The following CA10 variants were observed in gnomAD, a reference collection of about 807,000 sequenced individuals.
CA10 encodes the protein carbonic anhydrase 10 (inactive), also known as carbonic anhydrase-related protein 10.
In CA10, 14 loss-of-function variants were observed where a neutral mutation model predicts 44.2. The ratio of observed to expected loss-of-function variants is 0.32; its 90% CI spans 0.21 to 0.50. The LOEUF (loss-of-function observed/expected upper bound fraction) is 0.50, where lower values mean the gene tolerates loss of function less well. Ranked by LOEUF, CA10 falls within the 20% of genes least tolerant of loss-of-function variation. The pLI is 0.99. For missense variants in CA10, 350 were observed against 409.7 expected, an observed-to-expected ratio of 0.85 and a Z score of 1.26; for synonymous variants, 159 against 141.6, an observed-to-expected ratio of 1.12 and a Z score of -0.87.
At chr17:51,811,596 C>T (rs1012256976) in intron 3 of CA10, among the ~76,000 whole-genome samples, 1 of 152,108 alleles carries the variant, frequency 6.6e-6, no homozygotes, top group Non-Finnish European at 1.5e-5. Context: ...TCATTCATGT[C>T]CCTGAAAAGG....
At chr17:51,737,374 T>C (rs1212684625) in intron 4 of CA10, among the ~76,000 whole-genome samples, 1 of 152,168 alleles carries the variant, frequency 6.6e-6, no homozygotes, top group Non-Finnish European at 1.5e-5. Context: ...ACCGTGGTTA[T>C]GCTAATGTAT....
Position 51,778,278 on chromosome 17 carries a change from G to T in CA10, c.280-30460C>A, listed in dbSNP as rs867984481. ...AGGTCCTGTTTCATGGGACAAAGCC[G>T]CTATTGGGCACATGAAAAGCTCTCC... On this transcript the variant is annotated intron_variant, in intron 3 of 8. Coordinates refer to ENST00000451037, the MANE Select transcript of CA10 (RefSeq NM_020178.5). Among the ~76,000 whole-genome samples, 8 of 152,120 alleles carry T rather than the reference G, an allele frequency of 5.3e-5. No homozygotes were observed. The East Asian group carries it at 5.8e-4, about 11-fold the overall frequency.
chr17:51,922,799 C>G (rs1435126927), intron 3 of CA10, among the ~76,000 whole-genome samples: 1 of 152,150 alleles, frequency 6.6e-6, no homozygotes, highest in African/African-American at 2.4e-5. Context: ...ATATCCATGT[C>G]TGACAATGCC....
intron 1 of CA10, among the ~76,000 whole-genome samples, chr17:52,135,604 A>G (rs1035473705): frequency 2.0e-5 from 3 of 151,986 alleles, no homozygotes; most frequent in Admixed American, 1.3e-4. Context: ...TCTCCCTTGA[A>G]GTGTCTGTTT....
At chr17:52,107,519 A>G (rs1054111903) in intron 1 of CA10, among the ~76,000 whole-genome samples, 7 of 152,208 alleles carry the variant, frequency 4.6e-5, no homozygotes, top group African/African-American at 9.7e-5. Flanking sequence ...CCACATGAAC[A>G]GTTTGAATAA....
Position 51,682,681 on chromosome 17 carries a change from T to C in CA10, c.466-28945A>G, listed in dbSNP as rs1479018556. On this transcript the variant is annotated intron_variant, in intron 4 of 8. Transcript: ENST00000451037. ...TACCCCACCTACCCATGGCCATATATTCTATGAGAACATTCTGAAATTTTG... is the reference window on the plus strand; with the variant it reads ...TACCCCACCTACCCATGGCCATATACTCTATGAGAACATTCTGAAATTTTG... 2.6e-5 allele frequency among the ~76,000 whole-genome samples: 4 copies of C among 152,330 alleles called. No homozygotes were observed. The East Asian group carries it at 5.8e-4, about 22-fold the overall frequency.
At chr17:51,640,729 C>G (rs770942603) in intron 6 of CA10, among the ~76,000 whole-genome samples, 7 of 152,204 alleles carry the variant, frequency 4.6e-5, no homozygotes, top group Non-Finnish European at 8.8e-5. Context: ...TCAAGGCACA[C>G]TGGGGTGTTT....
intron 1 of CA10, among the ~76,000 whole-genome samples, chr17:52,150,083 G>T (rs1295157969): frequency 3.9e-5 from 6 of 152,026 alleles, no homozygotes; most frequent in African/African-American, 1.2e-4. Context: ...TTCACTTTTT[G>T]ACCGTCTCCT....
intron 2 of CA10, among the ~76,000 whole-genome samples, chr17:52,057,402 A>G (rs576573170): frequency 6.6e-6 from 1 of 152,032 alleles, no homozygotes; most frequent in South Asian, 2.1e-4. Context: ...TGAACAGTAA[A>G]TCTATTTTCT....
At chr17:51,857,539 G>C (rs912216809) in intron 3 of CA10, among the ~76,000 whole-genome samples, 22 of 152,140 alleles carry the variant, frequency 1.4e-4, no homozygotes, top group African/African-American at 5.3e-4. Context: ...CAAAAATCTG[G>C]TTCAGATAAT....
chr17:51,785,078 C>A, intron 3 of CA10, among the ~76,000 whole-genome samples: 1 of 152,180 alleles, frequency 6.6e-6, no homozygotes, highest in East Asian at 1.9e-4. Context: ...ATCTCCAGTT[C>A]CACCTGTGTT....
intron 3 of CA10, among the ~76,000 whole-genome samples, chr17:51,834,671 A>G (rs1908409668): frequency 1.3e-5 from 2 of 152,208 alleles, no homozygotes; most frequent in Non-Finnish European, 2.9e-5. Flanking sequence ...ATAAGGCTTT[A>G]GTGTCACACA....
intron 3 of CA10, among the ~76,000 whole-genome samples, chr17:51,752,383 AG>A (rs1182592247): frequency 6.6e-6 from 1 of 152,000 alleles, no homozygotes; most frequent in African/African-American, 2.4e-5. Flanking sequence ...TTGAAGCTGC[AG>A]GGGATATCCA....
chr17:51,991,363 A>G (rs1236752808), intron 2 of CA10, among the ~76,000 whole-genome samples: 1 of 152,154 alleles, frequency 6.6e-6, no homozygotes, highest in Non-Finnish European at 1.5e-5. Flanking sequence ...GATCTATTTC[A>G]GATGTATTTC....
At chr17:51,665,370 G>A (rs1367481730) in intron 4 of CA10, among the ~76,000 whole-genome samples, 1 of 152,156 alleles carries the variant, frequency 6.6e-6, no homozygotes, top group Non-Finnish European at 1.5e-5. Context: ...CAGTAGGTAG[G>A]TGTGCTCGGT....
chr17:52,048,344 G>A (rs376934831), intron 2 of CA10, among the ~76,000 whole-genome samples: 1 of 151,984 alleles, frequency 6.6e-6, no homozygotes, highest in East Asian at 1.9e-4. Context: ...AGCTGAGAGC[G>A]ATTTCTTGCA....
At chr17:52,089,812 A>G (rs1476648260) in intron 1 of CA10, among the ~76,000 whole-genome samples, 1 of 152,134 alleles carries the variant, frequency 6.6e-6, no homozygotes, top group African/African-American at 2.4e-5. Flanking sequence ...TTATAAAACC[A>G]TGGATACATA....
chr17:52,099,640 G>C (rs1988489684), intron 1 of CA10, among the ~76,000 whole-genome samples: 1 of 152,186 alleles, frequency 6.6e-6, no homozygotes, highest in Non-Finnish European at 1.5e-5. Flanking sequence ...TTGGAAATAA[G>C]AGTCCTGAAG....
At chr17:51,687,270 T>C (rs1915040035) in intron 4 of CA10, among the ~76,000 whole-genome samples, 1 of 152,230 alleles carries the variant, frequency 6.6e-6, no homozygotes, top group Non-Finnish European at 1.5e-5. Context: ...TCTTGTCATT[T>C]AGATGACACC....
Sources: allele counts gnomAD v4.1 joint callset (sites outside exome capture counted in the v4.1 genomes callset), GRCh38; gene constraint gnomAD v4.1.1; transcripts MANE v1.5; gene names NCBI Gene and HGNC (gene_info 2026-07-23, HGNC 2026-07-21).